Variants in SNX29 observed in about 807,000 individuals in gnomAD.
SNX29 encodes sorting nexin 29.
A neutral mutation model predicts 102.1 loss-of-function variants in SNX29; 78 were observed. The ratio of observed to expected loss-of-function variants is 0.76; its 90% CI spans 0.64 to 0.92. The LOEUF is 0.92. SNX29 is among the 40% of genes least tolerant of loss of function. The pLI is 0.00. For synonymous variants in SNX29, 580 were observed against 414.5 expected (o/e 1.40, Z -4.85); for missense variants, 1,280 against 1,061.7 (o/e 1.21, Z -2.86).
intron 16 of SNX29, among the ~76,000 whole-genome samples, chr16:12,376,307 A>G (rs938431281): frequency 6.6e-6 from 1 of 152,206 alleles, no homozygotes; most frequent in African/African-American, 2.4e-5. Context: ...AAGCCGAGCA[A>G]TCGCTAGTTA....
At chr16:12,564,412 G>C (rs1355745165) in intron 20 of SNX29, among the ~76,000 whole-genome samples, 1 of 152,104 alleles carries the variant, frequency 6.6e-6, no homozygotes, top group East Asian at 1.9e-4. Context: ...AATGATGTAT[G>C]ATTGGCACTA....
intron 14 of SNX29, among the ~76,000 whole-genome samples, chr16:12,201,338 C>T (rs542146798): frequency 1.3e-5 from 2 of 152,326 alleles, no homozygotes; most frequent in South Asian, 4.1e-4. Context: ...TAGTCATTCA[C>T]TACATTCATT....
In SNX29 at chr16:12,004,930, A is replaced by G. The variant is rs556547492; in HGVS notation, c.122+1887A>G. Among the ~76,000 whole-genome samples the G allele has an allele frequency of 4.7e-3, 709 of 152,244 alleles. 5 individuals are homozygous for G. The highest frequency in any genetic ancestry group is 0.016 in the African/African-American group (661 of 41,524). On this transcript the variant is annotated intron_variant, in intron 3 of 20. Transcript: ENST00000566228. ...TAATGTCGGCTCTGTGCAGGCAGGG[A>G]TGATTTGCTGTCTTGTTTACAGATG...
chr16:12,405,142 A>G (rs565776818), intron 18 of SNX29, among the ~76,000 whole-genome samples: 1 of 152,300 alleles, frequency 6.6e-6, no homozygotes, highest in African/African-American at 2.4e-5. Flanking sequence ...GTCATCAGAG[A>G]GCTGGAAGGT....
At position 12,027,366 on chromosome 16, in the gene SNX29, T is replaced by C; in HGVS notation, c.169T>C (p.Leu57=). The stretch of plus-strand genomic sequence containing the variant: ...GTTTGAAGCCGTCCTGCAGCATGGC[T>C]TGAAGAGGAGTCGAGGATTGGCACT... The part of the protein sequence containing the change: ...AQFEAVLQHG[L]KRSRGLALTA... Residue 57 remains leucine, a synonymous_variant, in exon 4 of 21, where the codon TTG becomes CTG. Coordinates refer to ENST00000566228, the MANE Select transcript of SNX29 (RefSeq NM_032167.5). 1 of 1,614,148 alleles carries C rather than the reference T, an allele frequency of 6.2e-7. No individual in the cohort carries two copies. Among genetic ancestry groups the C allele is most frequent in the Non-Finnish European group, 8.5e-7 (1 of 1,180,014 alleles).
intron 20 of SNX29, among the ~76,000 whole-genome samples, chr16:12,534,439 T>C (rs34368474): frequency 6.6e-6 from 1 of 152,222 alleles, no homozygotes; most frequent in South Asian, 2.1e-4. Flanking sequence ...CGGTTGCCTG[T>C]AGAAAGAACG....
Position 12,568,545 on chromosome 16 carries a change from C to A in SNX29, c.2358C>A (p.Pro786=), listed in dbSNP as rs781015051. ...TPPGEPVNSR[P]KAASRFPKLS... is the part of the protein sequence containing the mutation. ...CCGGAGAGCCTGTGAACAGCCGGCCCAAAGCAGCTTCCCGCTTCCCCAAAC... is the reference window on the plus strand; with the variant it reads ...CCGGAGAGCCTGTGAACAGCCGGCCAAAAGCAGCTTCCCGCTTCCCCAAAC... The change falls in exon 21 of 21, where the codon CCC becomes CCA. Residue 786 remains proline (P), a synonymous_variant. Coordinates refer to ENST00000566228, the MANE Select transcript of SNX29 (RefSeq NM_032167.5). 1 of 1,609,670 alleles carries A rather than the reference C, an allele frequency of 6.2e-7. No homozygotes were observed. Among genetic ancestry groups the A allele is most frequent in the African/African-American group, 1.3e-5 (1 of 75,048 alleles).
At chr16:12,240,031 ATT>A (rs2078054552) in intron 14 of SNX29, among the ~76,000 whole-genome samples, 1 of 152,200 alleles carries the variant, frequency 6.6e-6, no homozygotes, top group South Asian at 2.1e-4. Context: ...ATCATTTTGC[ATT>A]CTCTCGTTTC....
At chr16:12,207,943 T>A (rs1423755734) in intron 14 of SNX29, among the ~76,000 whole-genome samples, 1 of 152,186 alleles carries the variant, frequency 6.6e-6, no homozygotes, top group African/African-American at 2.4e-5. Flanking sequence ...TTTCTTCTTT[T>A]ATTAATCAAG....
intron 20 of SNX29, among the ~76,000 whole-genome samples, chr16:12,561,896 C>G (rs771202947): frequency 1.3e-5 from 2 of 152,122 alleles, no homozygotes; most frequent in African/African-American, 4.8e-5. Flanking sequence ...CCGTGGCATC[C>G]CAGGAGTTCC....
chr16:12,079,760 A>G (rs997889203), intron 11 of SNX29, among the ~76,000 whole-genome samples: 1 of 152,216 alleles, frequency 6.6e-6, no homozygotes, highest in African/African-American at 2.4e-5. Context: ...CTCCACGGCC[A>G]TCAGAGACCG....
At chr16:12,051,549 A>G (rs1252066231) in intron 7 of SNX29, among the ~76,000 whole-genome samples, 2 of 152,212 alleles carry the variant, frequency 1.3e-5, no homozygotes, top group South Asian at 2.1e-4. Flanking sequence ...AAAGTGAAGC[A>G]TTGAAGATCA....
chr16:12,078,014 C>G (rs2051668186), intron 10 of SNX29, among the ~76,000 whole-genome samples: 1 of 152,150 alleles, frequency 6.6e-6, no homozygotes. Context: ...GCAGTTGATT[C>G]ATTAACATTG....
chr16:12,204,723 T>G (rs1212003823), intron 14 of SNX29, among the ~76,000 whole-genome samples: 2 of 152,156 alleles, frequency 1.3e-5, no homozygotes, highest in Non-Finnish European at 2.9e-5. Flanking sequence ...AGCAAAAAAT[T>G]GGGAAGTCAT....
chr16:12,477,856 C>G lies in SNX29; in HGVS notation c.2175C>G (p.Asn725Lys), dbSNP rs770238523. The G allele has an allele frequency of 1.9e-6, 3 of 1,605,768 alleles. No individual in the cohort carries two copies. In the East Asian group the frequency reaches 6.7e-5, roughly 36 times the overall value. ...TCCCACCCAAAAAGGCCATTGGAAA[C>G]AAGGTACCATCCCGTGCTGGGAAGC... ...YNFPPKKAIG[N>K]KDAKFVEERR... is the part of the protein sequence containing the mutation. The change falls in exon 19 of 21, where the codon AAC becomes AAG. Residue 725 changes from asparagine (N) to lysine (K), a missense_variant. Asn to Lys is a moderately conservative substitution (Grantham distance 94). Coordinates refer to ENST00000566228, the MANE Select transcript of SNX29 (RefSeq NM_032167.5).
chr16:12,377,508 A>G (rs1567498934), intron 16 of SNX29, among the ~76,000 whole-genome samples: 1 of 152,152 alleles, frequency 6.6e-6, no homozygotes, highest in African/African-American at 2.4e-5. Context: ...GTGGGTGGGG[A>G]GGGGCAGTCT....
At chr16:12,003,813 G>A (rs913663901) in intron 3 of SNX29, among the ~76,000 whole-genome samples, 2 of 151,654 alleles carry the variant, frequency 1.3e-5, no homozygotes, top group East Asian at 3.9e-4. Flanking sequence ...TCGAGACCAG[G>A]CTGGCCAACA....
In SNX29 at chr16:12,543,630, C is replaced by T. The variant is rs576708076; in HGVS notation, c.2318+18789C>T. Among the ~76,000 whole-genome samples, 37 of 152,136 alleles carry T rather than the reference C, an allele frequency of 2.4e-4. 1 individual carries two copies. Among genetic ancestry groups the T allele is most frequent in the East Asian group, 5.8e-4 (3 of 5,160 alleles). On this transcript the variant is annotated intron_variant, in intron 20 of 20. Transcript: ENST00000566228. ...TGGAGTGGGCAGTGCCCCAGTGCTC[C>T]GCAGCTGGTGCCGTCTGTCTCCAGA...
chr16:12,048,635 G>C lies in SNX29; in HGVS notation c.748+15G>C, dbSNP rs1460890707. ...TGTCAGTGCTGGTGAGTGGGAACGGGTGCTCGAGGCGGAGCAGAGGGAATC... is the reference window on the plus strand; with the variant it reads ...TGTCAGTGCTGGTGAGTGGGAACGGCTGCTCGAGGCGGAGCAGAGGGAATC... On this transcript the variant is annotated intron_variant, in intron 7 of 20. Coordinates refer to ENST00000566228, the MANE Select transcript of SNX29 (RefSeq NM_032167.5). 1 of 1,613,930 alleles carries C rather than the reference G, an allele frequency of 6.2e-7. No homozygotes were observed. The highest frequency in any genetic ancestry group is 8.5e-7 in the Non-Finnish European group (1 of 1,179,856).
Sources: gnomAD v4.1 joint callset for allele counts (sites outside exome capture counted in the v4.1 genomes callset) on GRCh38, gnomAD v4.1.1 for gene constraint, MANE v1.5 for transcripts, NCBI Gene and HGNC (gene_info 2026-07-23, HGNC 2026-07-21) for gene names.